The following MMUT variants were observed in gnomAD, a reference collection of about 807,000 sequenced individuals.
MMUT encodes the protein methylmalonyl-CoA mutase.
MMUT carries 79 observed loss-of-function variants against 79.9 expected under a neutral mutation model. The ratio of observed to expected loss-of-function variants is 0.99; its 90% confidence interval spans 0.82 to 1.19. MMUT has a LOEUF of 1.19. MMUT is among the 50% of genes most tolerant of loss of function. The pLI is 0.00. For synonymous variants in MMUT, 273 were observed against 295.7 expected (o/e 0.92, Z 0.79); for missense variants, 860 against 917.2 (o/e 0.94, Z 0.81).
chr6:49,432,779 A>G (rs1266673191), intron 12 of MMUT, among the ~76,000 whole-genome samples: 2 of 152,208 alleles, frequency 1.3e-5, no homozygotes, highest in Non-Finnish European at 2.9e-5. Flanking sequence ...ACATCTGAAC[A>G]TTTGTAGCTG....
In MMUT at chr6:49,437,037, T is replaced by C. The variant is rs968594566; in HGVS notation, c.1957-1414A>G. On this transcript the variant is annotated intron_variant, in intron 11 of 12. Transcript: ENST00000274813. ...TTTACCTATATAACAAATCTACACATGTACCCCTGAACTTAAAATAAAAGT... is the reference window on the plus strand; with the variant it reads ...TTTACCTATATAACAAATCTACACACGTACCCCTGAACTTAAAATAAAAGT... 3.9e-5 allele frequency among the ~76,000 whole-genome samples: 6 copies of C among 152,098 alleles called. No homozygotes were observed. The East Asian group carries it at 5.8e-4, about 15-fold the overall frequency.
rs776065979 is a variant in MMUT at position 49,451,705 on chromosome 6, T to G, written c.1093A>C (p.Asn365His). The change falls in exon 6 of 13, where the codon AAT becomes CAT. Residue 365 changes from asparagine (N) to histidine (H), a missense_variant. Coordinates refer to ENST00000274813, the MANE Select transcript of MMUT (RefSeq NM_000255.4). ...GWSLTEQDPY[N>H]NIVRTAIEAM... Reference sequence around the variant, plus strand: ...TCTATTGCAGTACGGACAATATTATTGTAGGGATCCTAAAATATTTGATAA... The same window carrying G: ...TCTATTGCAGTACGGACAATATTATGGTAGGGATCCTAAAATATTTGATAA... The G allele has an allele frequency of 6.2e-7, 1 of 1,613,746 alleles. No individual in the cohort carries two copies. Among genetic ancestry groups the G allele is most frequent in the Non-Finnish European group, 8.5e-7 (1 of 1,179,838 alleles).
At chr6:49,455,950 C>CGAGTGAT (rs1767675046) in intron 4 of MMUT, 130 bp downstream of exon 4, 1 of 823,532 alleles carries the variant, frequency 1.2e-6, no homozygotes, top group African/African-American at 1.7e-5. Flanking sequence ...CTCTCATTAT[C>CGAGTGAT]ACTCAGATAA....
At chr6:49,453,059 T>TTTTG (rs398048522) in intron 5 of MMUT, among the ~76,000 whole-genome samples, 9 of 139,024 alleles carry the variant, frequency 6.5e-5, no homozygotes, top group South Asian at 2.3e-4. Context: ...TTTTTTTTTT[T>TTTTG]AGACGTAGTT....
intron 10 of MMUT, 115 bp from the exon 11 acceptor site, chr6:49,440,468 G>T: frequency 5.3e-6 from 6 of 1,121,504 alleles, no homozygotes; most frequent in Admixed American, 2.5e-5. Context: ...CACCTAATTT[G>T]TTTACTTGTA....
At chr6:49,451,735 C>T (rs754689525) in intron 5 of MMUT, 21 bp from the exon 6 acceptor site, 1 of 1,610,078 alleles carries the variant, frequency 6.2e-7, no homozygotes, top group Admixed American at 1.7e-5. Context: ...TGATAAAAAA[C>T]AAAAACTCAA....
intron 5 of MMUT, among the ~76,000 whole-genome samples, chr6:49,452,499 ATT>A (rs778572155): frequency 4.0e-5 from 6 of 151,708 alleles, no homozygotes; most frequent in African/African-American, 7.3e-5. Flanking sequence ...CACCTGGCTA[ATT>A]TTTTTGTATT....
At chr6:49,453,059 T>TTTTTTTTTTTTTTTTTTG (rs398048522) in intron 5 of MMUT, among the ~76,000 whole-genome samples, 3 of 138,980 alleles carry the variant, frequency 2.2e-5, no homozygotes, top group African/African-American at 5.3e-5. Flanking sequence ...TTTTTTTTTT[T>TTTTTTTTTTTTTTTTTTG]AGACGTAGTT....
rs1335659494 is a variant in MMUT, at chr6:49,440,278, G to A, written c.1884C>T (p.Asp628=). 1 of 1,614,038 alleles carries A rather than the reference G, an allele frequency of 6.2e-7. No homozygotes were observed. The highest frequency in any genetic ancestry group is 1.1e-5 in the South Asian group (1 of 91,074). ...LVAKMGQDGH[D]RGAKVIATGF... is the part of the protein sequence containing the mutation. ...CTGTAGCAATAACTTTTGCTCCTCT[G>A]TCATGGCCATCTTGTCCCATTTTTG... The change falls in exon 11 of 13, where the codon GAC becomes GAT. Residue 628 remains aspartate, a synonymous_variant. Coordinates refer to ENST00000274813, the MANE Select transcript of MMUT (RefSeq NM_000255.4).
chr6:49,462,563 G>T (rs1360000881), intron 1 of MMUT, among the ~76,000 whole-genome samples: 2 of 152,182 alleles, frequency 1.3e-5, no homozygotes, highest in African/African-American at 4.8e-5. Flanking sequence ...ATAAAACTGA[G>T]AACGAGTTAG....
chr6:49,451,964 CTAAA>C (rs1581830479), intron 5 of MMUT, among the ~76,000 whole-genome samples: 1 of 152,074 alleles, frequency 6.6e-6, no homozygotes, highest in African/African-American at 2.4e-5. Flanking sequence ...TTTATATTGC[CTAAA>C]TACTTTTCTA....
intron 3 of MMUT, 33 bp from the exon 4 acceptor site, chr6:49,456,270 AGT>A (rs1767685981): frequency 7.6e-6 from 11 of 1,454,218 alleles, no homozygotes; most frequent in Non-Finnish European, 1.1e-5. Flanking sequence ...ACAGTGAATA[AGT>A]AAAAATATTA....
intron 8 of MMUT, among the ~76,000 whole-genome samples, chr6:49,445,589 C>T (rs1250440966): frequency 1.3e-5 from 2 of 152,026 alleles, no homozygotes; most frequent in Non-Finnish European, 2.9e-5. Context: ...TGCATATAAC[C>T]TATGTACATT....
chr6:49,453,718 A>G lies in MMUT; in HGVS notation c.950T>C (p.Met317Thr), dbSNP rs184829210. Residue 317 changes from methionine (M) to threonine (T), a missense_variant, in exon 5 of 13, where the codon ATG becomes ACG. Physicochemically the swap from Met to Thr is moderately conservative, Grantham distance 81. Transcript: ENST00000274813. ...FFWGIGMNFYMEIAKMRAGRR... is the reference protein window; with the variant it reads ...FFWGIGMNFYTEIAKMRAGRR... ...ACCAGCTCTCATCTTTGCTATTTCCATATAGAAATTCATTCCAATTCCCCA... is the reference window on the plus strand; with the variant it reads ...ACCAGCTCTCATCTTTGCTATTTCCGTATAGAAATTCATTCCAATTCCCCA... 1.2e-6 allele frequency: 2 copies of G among 1,613,336 alleles called. No homozygotes were observed. The highest frequency in any genetic ancestry group is 2.7e-5 in the African/African-American group (2 of 74,992).
Position 49,447,982 on chromosome 6 carries a change from T to C in MMUT, c.1445-197A>G, listed in dbSNP as rs1010591806. Among the ~76,000 whole-genome samples, 5 of 152,016 alleles carry C rather than the reference T, an allele frequency of 3.3e-5. No individual in the cohort carries two copies. In the South Asian group the frequency reaches 8.3e-4, roughly 25 times the overall value. ...AAGTAGAGGTATATGTCAGAGTCTCTGTAAGGAAGGACTTTCATTATTCTA... is the reference window on the plus strand; with the variant it reads ...AAGTAGAGGTATATGTCAGAGTCTCCGTAAGGAAGGACTTTCATTATTCTA... On this transcript the variant is annotated intron_variant, in intron 7 of 12. Transcript: ENST00000274813.
At chr6:49,437,006 C>T (rs1202531355) in intron 11 of MMUT, among the ~76,000 whole-genome samples, 1 of 151,142 alleles carries the variant, frequency 6.6e-6, no homozygotes, top group African/African-American at 2.4e-5. Context: ...GGCTTAACAA[C>T]ACAAGTTTAC....
chr6:49,448,928 C>T lies in MMUT; in HGVS notation c.1333-1G>A. 6.3e-7 allele frequency: 1 copy of T among 1,594,326 alleles called. No homozygotes were observed. The highest frequency in any genetic ancestry group is 8.6e-7 in the Non-Finnish European group (1 of 1,162,968). On this transcript the variant is annotated splice_acceptor_variant, in intron 6 of 12. Coordinates refer to ENST00000274813, the MANE Select transcript of MMUT (RefSeq NM_000255.4). LOFTEE classifies it high-confidence loss of function. ...CCATTTCTTCAATTTCATTAATGAG[C>T]TAAAAAGAAAAACATTAACAAAACT...
intron 6 of MMUT, 23 bp from the exon 7 acceptor site, chr6:49,448,950 A>C (rs1767481627): frequency 6.8e-7 from 1 of 1,462,542 alleles, no homozygotes; most frequent in African/African-American, 1.4e-5. Context: ...ACATTAACAA[A>C]ACTAAAAGAG....
intron 12 of MMUT, among the ~76,000 whole-genome samples, chr6:49,433,230 A>G (rs1767033025): frequency 6.6e-6 from 1 of 152,128 alleles, no homozygotes; most frequent in African/African-American, 2.4e-5. Flanking sequence ...TGGAGATGTC[A>G]GATTAATAGG....
Sources: gnomAD v4.1 joint callset for allele counts (sites outside exome capture counted in the v4.1 genomes callset) on GRCh38, gnomAD v4.1.1 for gene constraint, MANE v1.5 for transcripts, NCBI Gene and HGNC (gene_info 2026-07-23, HGNC 2026-07-21) for gene names.